Variants in MAPK8IP3 observed in about 807,000 individuals in gnomAD.
MAPK8IP3 encodes the protein C-Jun-amino-terminal kinase-interacting protein 3.
A neutral mutation model predicts 157.8 loss-of-function variants in MAPK8IP3; 49 were observed. That is an observed-to-expected ratio of 0.31 (90% CI 0.25 to 0.39). MAPK8IP3 has a LOEUF of 0.39. Among genes scored for constraint, MAPK8IP3 ranks in the 10% least tolerant of loss-of-function variants. MAPK8IP3 has a pLI of 1.00. For synonymous variants in MAPK8IP3, 897 were observed against 777.7 expected, an observed-to-expected ratio of 1.15 and a Z score of -2.55; for missense variants, 1,478 against 1,889.4, an observed-to-expected ratio of 0.78 and a Z score of 4.04.
intron 1 of MAPK8IP3, among the ~76,000 whole-genome samples, chr16:1,719,973 A>G (rs140581284): frequency 1.3e-5 from 2 of 152,358 alleles, no homozygotes; most frequent in Non-Finnish European, 2.9e-5. Flanking sequence ...TTAGCAGTGC[A>G]TGACCGCAGC....
rs2041997904 is a variant in MAPK8IP3 at position 1,762,288 on chromosome 16, G to A, written c.1540-63G>A. On this transcript the variant is annotated intron_variant, in intron 13 of 31. Coordinates refer to ENST00000610761, the MANE Select transcript of MAPK8IP3 (RefSeq NM_001318852.2). ...CCACCTATACGTGTAGGCACCCCAGGAGGAAGCAGGTGTCACCCGGCCTCC... is the reference window on the plus strand; with the variant it reads ...CCACCTATACGTGTAGGCACCCCAGAAGGAAGCAGGTGTCACCCGGCCTCC... 1.3e-5 allele frequency: 20 copies of A among 1,506,704 alleles called. 1 individual carries two copies. In the South Asian group the frequency reaches 2.3e-4, roughly 17 times the overall value. The allele number at this position is 1,506,704 out of a possible 1,614,324, so 93.3% of individuals were successfully genotyped here. A position where few individuals can be genotyped will look rare whatever the true frequency, so the allele number is the denominator to read the frequency against.
chr16:1,751,755 T>C lies in MAPK8IP3; in HGVS notation c.1216+3035T>C, dbSNP rs2041302013. 6.6e-6 allele frequency: 1 copy of C among 152,172 alleles called. No individual in the cohort carries two copies. The highest frequency in any genetic ancestry group is 1.5e-5 in the Non-Finnish European group (1 of 68,044). The allele number at this position is 152,172 out of a possible 1,614,324, so 9.4% of individuals were successfully genotyped here. ...CCAGCCCCAGGCAACCACAAATCCATGCTCTGTCTCTGTAGATTTGCCTGT... is the reference window on the plus strand; with the variant it reads ...CCAGCCCCAGGCAACCACAAATCCACGCTCTGTCTCTGTAGATTTGCCTGT... On this transcript the variant is annotated intron_variant, in intron 8 of 31. Coordinates refer to ENST00000610761, the MANE Select transcript of MAPK8IP3 (RefSeq NM_001318852.2). This position sits in a 1 kb window ranked among gnomAD's most constrained non-coding sequence, Gnocchi z 5.0.
rs780513317 is a variant in MAPK8IP3 at position 1,762,392 on chromosome 16, G to A, written c.1581G>A (p.Val527=). The A allele has an allele frequency of 6.3e-7, 1 of 1,595,716 alleles. No homozygotes were observed. The change falls in exon 14 of 32, where the codon GTG becomes GTA. Residue 527 remains valine, a synonymous_variant. Coordinates refer to ENST00000610761, the MANE Select transcript of MAPK8IP3 (RefSeq NM_001318852.2). ...PMAQRRRFTR[V]EMARVLMERN... is the part of the protein sequence containing the mutation. ...CCCAGCGCCGCCGCTTCACGCGGGT[G>A]GAGATGGCCCGTGTGCTCATGGAGC...
At position 1,724,542 on chromosome 16, in the gene MAPK8IP3, C is replaced by A; in HGVS notation, c.319-15C>A. ...CACTCCTGATGACTGCTCTTTCCCT[C>A]CCTTCCATGCACAGAAATTCATTGA... On this transcript the variant is annotated splice_polypyrimidine_tract_variant and intron_variant, in intron 1 of 31. Transcript: ENST00000610761. The surrounding 1 kb of genome is among the most constrained non-coding windows in gnomAD (Gnocchi z 4.1). The A allele has an allele frequency of 6.2e-7, 1 of 1,612,312 alleles. No homozygotes were observed. Among genetic ancestry groups the A allele is most frequent in the South Asian group, 1.1e-5 (1 of 91,042 alleles).
At chr16:1,725,626 C>CA (rs577035539) in intron 2 of MAPK8IP3, among the ~76,000 whole-genome samples, 56 of 141,966 alleles carry the variant, frequency 3.9e-4, no homozygotes, top group Middle Eastern at 3.5e-3. Context: ...GACTCCATCT[C>CA]AAAAAAAAAA....
intron 8 of MAPK8IP3, among the ~76,000 whole-genome samples, chr16:1,750,944 G>A (rs763384588): frequency 1.1e-4 from 16 of 151,986 alleles, no homozygotes; most frequent in Non-Finnish European, 1.9e-4. Context: ...ACTCCTGGCC[G>A]ATTGTTTTAA....
intron 5 of MAPK8IP3, chr16:1,744,889 G>C (rs1596693246): frequency 1.0e-6 from 1 of 959,384 alleles, no homozygotes; most frequent in Middle Eastern, 5.4e-4. Flanking sequence ...TTTATTTTAT[G>C]CTCTAGGTTT....
rs765506807 is a variant in MAPK8IP3, at chr16:1,743,480, T to C, written c.747+4T>C. ...GCAGTCCAGCTCCAGCTACCAGGTT[T>C]TGTAGCCGTGCCGTGGAGTGAGAGG... is the stretch of plus-strand genomic sequence containing the variant. On this transcript the variant is annotated splice_donor_region_variant and intron_variant, in intron 5 of 31. Transcript: ENST00000610761. The surrounding 1 kb of genome is among the most constrained non-coding windows in gnomAD (Gnocchi z 5.6). The C allele has an allele frequency of 1.2e-6, 2 of 1,608,616 alleles. No homozygotes were observed. The highest frequency in any genetic ancestry group is 2.2e-5 in the East Asian group (1 of 44,584).
At position 1,741,286 on chromosome 16, in the gene MAPK8IP3, C is replaced by G. The variant is rs769154227; in HGVS notation, c.603-2046C>G. 6.6e-6 allele frequency among the ~76,000 whole-genome samples: 1 copy of G among 152,196 alleles called. No homozygotes were observed. The highest frequency in any genetic ancestry group is 1.5e-5 in the Non-Finnish European group (1 of 68,032). On this transcript the variant is annotated intron_variant, in intron 4 of 31. Transcript: ENST00000610761. This position sits in a 1 kb window ranked among gnomAD's most constrained non-coding sequence, Gnocchi z 6.9. ...GACAAATCGGGAGGACGGGGTCAGT[C>G]GGCAAACGCTCACGAGCCTGAGGCC...
intron 4 of MAPK8IP3, among the ~76,000 whole-genome samples, chr16:1,738,170 G>A (rs1438508840): frequency 5.4e-5 from 5 of 93,354 alleles, no homozygotes; most frequent in Non-Finnish European, 1.0e-4. Flanking sequence ...CTGTGTGACC[G>A]TCCGTGTGAG....
chr16:1,761,278 T>G lies in MAPK8IP3; in HGVS notation c.1512T>G (p.Asp504Glu). 1.9e-6 allele frequency: 3 copies of G among 1,613,692 alleles called. No individual in the cohort carries two copies. The highest frequency in any genetic ancestry group is 2.5e-6 in the Non-Finnish European group (3 of 1,180,018). ...GTGAACCCAAAGAAGAGGCGGAGGA[T>G]GTAAGCAGCTATCTCTGTACAGAAT... ...ARREPKEEAE[D>E]VSSYLCTESD... Residue 504 changes from aspartate to glutamate, a missense_variant, in exon 13 of 32, where the codon GAT becomes GAG. Asp to Glu is a conservative substitution (Grantham distance 45). Transcript: ENST00000610761.
At chr16:1,722,467 G>C (rs2038591791) in intron 1 of MAPK8IP3, among the ~76,000 whole-genome samples, 1 of 152,166 alleles carries the variant, frequency 6.6e-6, no homozygotes, top group African/African-American at 2.4e-5. Context: ...AGTTATTATA[G>C]GGAACACAGC....
At chr16:1,748,493 T>A in intron 7 of MAPK8IP3, 109 bp from the exon 8 acceptor site, 1 of 1,143,656 alleles carries the variant, frequency 8.7e-7, no homozygotes, top group Non-Finnish European at 1.3e-6. Context: ...TGCAGGGCAG[T>A]GTGGGCATTG....
At chr16:1,738,086 CCATCCATGTGAG>C (rs1444712331) in intron 4 of MAPK8IP3, among the ~76,000 whole-genome samples, 1 of 76,814 alleles carries the variant, frequency 1.3e-5, no homozygotes, top group Non-Finnish European at 2.3e-5. Flanking sequence ...GAGAGTGTGA[CCATCCATGTGAG>C]CATCCATGTG....
chr16:1,763,811 C>T (rs764580780), intron 17 of MAPK8IP3, 28 bp downstream of exon 17: 18 of 691,934 alleles, frequency 2.6e-5, no homozygotes, highest in East Asian at 1.0e-4. Context: ...GGGGACCGGG[C>T]GGGGCCCCGC....
chr16:1,748,335 C>T lies in MAPK8IP3; in HGVS notation c.1086C>T (p.Arg362=). Residue 362 remains arginine, a synonymous_variant, in exon 7 of 32, where the codon CGC becomes CGT. Coordinates refer to ENST00000610761, the MANE Select transcript of MAPK8IP3 (RefSeq NM_001318852.2). ...TGTGTCCAGAGACCCGCCTGGACCG[C>T]ACAGGAAGCAGGTACTGGCTCAGCC... is the stretch of plus-strand genomic sequence containing the variant. The part of the protein sequence containing the change: ...LDMCPETRLD[R]TGSSPTQGIV... The T allele has an allele frequency of 6.2e-7, 1 of 1,613,506 alleles. No homozygotes were observed.
Position 1,724,748 on chromosome 16 carries a change from G to T in MAPK8IP3, c.439+71G>T. ...TCTGGGACGGCTCTGGTTGGGGTGG[G>T]CATGGAGCGCCTTCCACACAAGGGG... On this transcript the variant is annotated intron_variant, in intron 2 of 31. Transcript: ENST00000610761. The surrounding 1 kb of genome is among the most constrained non-coding windows in gnomAD (Gnocchi z 4.1). The T allele has an allele frequency of 2.6e-6, 4 of 1,564,916 alleles. No homozygotes were observed. Among genetic ancestry groups the T allele is most frequent in the Non-Finnish European group, 3.5e-6 (4 of 1,152,936 alleles).
chr16:1,768,376 C>T lies in MAPK8IP3; in HGVS notation c.3740C>T (p.Pro1247Leu). The change falls in exon 30 of 32, where the codon CCA becomes CTA. Residue 1247 changes from proline (P) to leucine (L), a missense_variant and splice_region_variant. Physicochemically the swap from Pro to Leu is moderately conservative, Grantham distance 98. This residue lies in a region of MAPK8IP3 where 133 missense variants were observed against 133.4 expected (regional missense o/e 1.00). Coordinates refer to ENST00000610761, the MANE Select transcript of MAPK8IP3 (RefSeq NM_001318852.2). Reference protein sequence around the residue: ...RDAVKFFVSVPGNVLATLNGS... With the variant: ...RDAVKFFVSVLGNVLATLNGS... ...GCCGTGAAGTTCTTTGTCTCGGTGC[C>T]AGGTGAGGCTGGGCCCCTCCTGCCA... is the stretch of plus-strand genomic sequence containing the variant. 6.3e-7 allele frequency: 1 copy of T among 1,599,886 alleles called. No individual in the cohort carries two copies. Among genetic ancestry groups the T allele is most frequent in the Non-Finnish European group, 8.5e-7 (1 of 1,179,012 alleles).
chr16:1,766,027 G>A lies in MAPK8IP3; in HGVS notation c.2514G>A (p.Pro838=), dbSNP rs184317970. The A allele has an allele frequency of 4.6e-4, 738 of 1,612,820 alleles. 8 individuals are homozygous for A. In the African/African-American group the frequency reaches 8.2e-3, roughly 18 times the overall value. Residue 838 remains proline (P), a synonymous_variant, in exon 21 of 32, where the codon CCG becomes CCA. Coordinates refer to ENST00000610761, the MANE Select transcript of MAPK8IP3 (RefSeq NM_001318852.2). Reference sequence around the variant, plus strand: ...ACAGCGACGTGAACCCAGAGGACCCGGGCGCAGATGGCGTGCTGGCCGGTA... The same window carrying A: ...ACAGCGACGTGAACCCAGAGGACCCAGGCGCAGATGGCGTGCTGGCCGGTA... ...FLDSDVNPED[P]GADGVLAGIT...
Sources: allele counts gnomAD v4.1 joint callset (sites outside exome capture counted in the v4.1 genomes callset), GRCh38; gene constraint gnomAD v4.1.1; regional missense constraint gnomAD v4.1.1; non-coding constraint Gnocchi (gnomAD v3.1); transcripts MANE v1.5; gene names NCBI Gene and HGNC (gene_info 2026-07-23, HGNC 2026-07-21).